ULK4: variants seen among roughly 807,000 people sequenced by gnomAD.
ULK4 encodes inactive serine/threonine-protein kinase ULK4.
In ULK4, 133 loss-of-function variants were observed where a neutral mutation model predicts 160.6. The ratio of observed to expected loss-of-function variants is 0.83; its 90% CI spans 0.72 to 0.96. The LOEUF is 0.96. Among genes scored for constraint, ULK4 ranks in the 40% least tolerant of loss-of-function variants. The pLI is 0.00. For missense variants in ULK4, 1,580 were observed against 1,499.5 expected, an observed-to-expected ratio of 1.05 and a Z score of -0.89; for synonymous variants, 534 against 539.8, an observed-to-expected ratio of 0.99 and a Z score of 0.15.
intron 35 of ULK4, among the ~76,000 whole-genome samples, chr3:41,336,864 A>G (rs17055924): frequency 0.019 from 2,834 of 152,284 alleles, 109 homozygotes; most frequent in African/African-American, 0.063. Context: ...ATTGTCAGTA[A>G]CATGGAGGAG....
intron 34 of ULK4, among the ~76,000 whole-genome samples, chr3:41,426,017 T>G (rs924887883): frequency 6.6e-6 from 1 of 152,272 alleles, no homozygotes; most frequent in South Asian, 2.1e-4. Flanking sequence ...TCCATCAGTG[T>G]GCTGTATTCA....
chr3:41,464,776 A>G (rs2083784463), intron 32 of ULK4, among the ~76,000 whole-genome samples: 1 of 152,246 alleles, frequency 6.6e-6, no homozygotes, highest in Non-Finnish European at 1.5e-5. Flanking sequence ...GGTGGAGTCC[A>G]GCTCTGTGAG....
chr3:41,264,949 A>C (rs1469468293), intron 35 of ULK4, among the ~76,000 whole-genome samples: 1 of 152,204 alleles, frequency 6.6e-6, no homozygotes, highest in African/African-American at 2.4e-5. Flanking sequence ...TGTGGAAGGG[A>C]GACTTGTGAC....
At chr3:41,712,823 C>T (rs1460553401) in intron 25 of ULK4, among the ~76,000 whole-genome samples, 3 of 151,744 alleles carry the variant, frequency 2.0e-5, no homozygotes, top group Admixed American at 6.6e-5. Context: ...GCCTGGGAGG[C>T]GGAGGTTGCA....
intron 22 of ULK4, 84 bp downstream of exon 22, chr3:41,754,277 C>T (rs2038721003): frequency 7.0e-7 from 1 of 1,430,050 alleles, no homozygotes; most frequent in Admixed American, 2.4e-5. Flanking sequence ...ACCAGATACA[C>T]AGAGGCCAAG....
chr3:41,846,070 T>G (rs1488821671), intron 17 of ULK4, among the ~76,000 whole-genome samples: 1 of 152,216 alleles, frequency 6.6e-6, no homozygotes, highest in Non-Finnish European at 1.5e-5. Context: ...TAGAAATTGC[T>G]TTAGAACTCA....
intron 14 of ULK4, 124 bp from the exon 15 acceptor site, chr3:41,897,127 C>A: frequency 2.7e-6 from 2 of 749,902 alleles, no homozygotes; most frequent in Non-Finnish European, 4.1e-6. Context: ...ACTGTCAAAA[C>A]CAAAAATACT....
intron 21 of ULK4, among the ~76,000 whole-genome samples, chr3:41,775,367 A>G (rs1293940634): frequency 6.7e-6 from 1 of 150,116 alleles, no homozygotes; most frequent in Non-Finnish European, 1.5e-5. Context: ...GCTAATGAAT[A>G]TAAGAAAATA....
chr3:41,917,109 A>C (rs1698994544), intron 7 of ULK4, among the ~76,000 whole-genome samples: 1 of 152,196 alleles, frequency 6.6e-6, no homozygotes, highest in Non-Finnish European at 1.5e-5. Context: ...CAGAAATAAG[A>C]AGCATTATAA....
intron 17 of ULK4, among the ~76,000 whole-genome samples, chr3:41,864,097 C>T (rs773397960): frequency 2.6e-5 from 4 of 152,072 alleles, no homozygotes; most frequent in Non-Finnish European, 4.4e-5. Flanking sequence ...CTCAGTGGTA[C>T]GATTTGCAGG....
intron 32 of ULK4, among the ~76,000 whole-genome samples, chr3:41,482,255 C>A (rs2084354595): frequency 6.6e-6 from 1 of 152,186 alleles, no homozygotes; most frequent in African/African-American, 2.4e-5. Flanking sequence ...CAGGCCACAG[C>A]CAGCTGTTTC....
intron 30 of ULK4, among the ~76,000 whole-genome samples, chr3:41,655,084 G>C (rs1350040503): frequency 6.6e-6 from 1 of 151,960 alleles, no homozygotes; most frequent in African/African-American, 2.4e-5. Flanking sequence ...TGAGGTGGGA[G>C]GACTGCTTGA....
chr3:41,737,313 T>C (rs1430246873), intron 22 of ULK4, among the ~76,000 whole-genome samples: 1 of 152,010 alleles, frequency 6.6e-6, no homozygotes, highest in African/African-American at 2.4e-5. Context: ...ACAAGGGATG[T>C]CAAGGATCTC....
At chr3:41,661,099 G>C (rs1388413434) in intron 30 of ULK4, among the ~76,000 whole-genome samples, 1 of 152,066 alleles carries the variant, frequency 6.6e-6, no homozygotes, top group African/African-American at 2.4e-5. Flanking sequence ...ATCCTTCGAA[G>C]TAGAATTGAA....
chr3:41,619,169 T>C (rs748660529), intron 30 of ULK4, among the ~76,000 whole-genome samples: 11 of 151,874 alleles, frequency 7.2e-5, no homozygotes, highest in Non-Finnish European at 1.3e-4. Flanking sequence ...AGACTCCCAA[T>C]AATAATAGTG....
intron 25 of ULK4, among the ~76,000 whole-genome samples, chr3:41,708,965 C>T (rs2036997016): frequency 6.6e-6 from 1 of 152,044 alleles, no homozygotes; most frequent in Non-Finnish European, 1.5e-5. Flanking sequence ...AGGTAGAATA[C>T]AAATCTATGG....
chr3:41,836,063 T>A, intron 17 of ULK4, 92 bp from the exon 18 acceptor site: 1 of 798,432 alleles, frequency 1.3e-6, no homozygotes, highest in Non-Finnish European at 2.0e-6. Context: ...CCTGTAAAAG[T>A]CACCATTTTT....
intron 35 of ULK4, among the ~76,000 whole-genome samples, chr3:41,260,785 G>A (rs527962975): frequency 6.6e-6 from 1 of 152,360 alleles, no homozygotes; most frequent in South Asian, 2.1e-4. Context: ...GAGGGTGACA[G>A]AGATATTGCA....
intron 31 of ULK4, among the ~76,000 whole-genome samples, chr3:41,592,467 T>C (rs1324592524): frequency 6.6e-6 from 1 of 152,156 alleles, no homozygotes; most frequent in Non-Finnish European, 1.5e-5. Context: ...GTGCAGCGTA[T>C]ACTGCTCAGG....
Sources: gnomAD v4.1 joint callset for allele counts (sites outside exome capture counted in the v4.1 genomes callset) on GRCh38, gnomAD v4.1.1 for gene constraint, MANE v1.5 for transcripts, NCBI Gene and HGNC (gene_info 2026-07-23, HGNC 2026-07-21) for gene names.